Variants in JARID2 observed in about 807,000 individuals in gnomAD.
JARID2 encodes protein Jumonji.
Under a neutral mutation model 125.6 loss-of-function variants are expected in JARID2, and 21 were observed. That is an observed-to-expected ratio of 0.17 (90% CI 0.12 to 0.24). The LOEUF is 0.24. JARID2 is among the 10% of genes least tolerant of loss of function. JARID2 has a pLI of 1.00. For synonymous variants in JARID2, 736 were observed against 661.6 expected (o/e 1.11, Z -1.73); for missense variants, 1,303 against 1,639.6 (o/e 0.79, Z 3.55).
At chr6:15,446,469 A>T (rs951684774) in intron 3 of JARID2, among the ~76,000 whole-genome samples, 2 of 152,228 alleles carry the variant, frequency 1.3e-5, no homozygotes, top group African/African-American at 4.8e-5. Flanking sequence ...TGCTTCTCTT[A>T]TCTGGCCTAG....
chr6:15,518,554 C>T (rs1047191090), intron 17 of JARID2, among the ~76,000 whole-genome samples: 9 of 152,072 alleles, frequency 5.9e-5, no homozygotes, highest in African/African-American at 1.9e-4. Context: ...TGATCTCGGC[C>T]CACTGCAAGC....
rs76367536 is a variant in JARID2, at chr6:15,378,683, A to C, written c.181+4431A>C. 7.5e-3 allele frequency among the ~76,000 whole-genome samples: 1,140 copies of C among 152,268 alleles called. 15 individuals carry two copies. The highest frequency in any genetic ancestry group is 0.026 in the African/African-American group (1,081 of 41,548). On this transcript the variant is annotated intron_variant, in intron 2 of 17. Transcript: ENST00000341776. Reference sequence around the variant, plus strand: ...GCAAGACAGAATGCATGAAAACTACATTGGATCTTTGCAATAGGAATATTG... The same window carrying C: ...GCAAGACAGAATGCATGAAAACTACCTTGGATCTTTGCAATAGGAATATTG...
intron 1 of JARID2, among the ~76,000 whole-genome samples, chr6:15,310,588 C>A (rs1761979386): frequency 6.6e-6 from 1 of 152,184 alleles, no homozygotes. Flanking sequence ...ATGCTCCCCT[C>A]TGGATTTCTT....
chr6:15,474,091 A>C (rs955627739), intron 5 of JARID2, among the ~76,000 whole-genome samples: 2 of 152,236 alleles, frequency 1.3e-5, no homozygotes, highest in Non-Finnish European at 2.9e-5. Flanking sequence ...ATGACAAGGA[A>C]ACAAACTGAC....
At chr6:15,472,281 T>C (rs981198969) in intron 5 of JARID2, among the ~76,000 whole-genome samples, 1 of 152,098 alleles carries the variant, frequency 6.6e-6, no homozygotes, top group Admixed American at 6.5e-5. Flanking sequence ...TCTTCTGTCA[T>C]CCTTTCTTTT....
rs5874508 is a variant in JARID2, at chr6:15,336,085, GTGAATGAATGAA to G, written c.46-38010_46-37999del. Among the ~76,000 whole-genome samples, 77 of 149,512 alleles carry G rather than the reference GTGAATGAATGAA, an allele frequency of 5.2e-4. 3 individuals carry two copies. In the South Asian group the frequency reaches 0.012, roughly 24 times the overall value. Reference sequence around the variant, plus strand: ...GGGTGACAGAGACCCGTCTCCAAGGGTGAATGAATGAATGAATGAATGAATGAATGAATAAAT... The same window carrying G: ...GGGTGACAGAGACCCGTCTCCAAGGGTGAATGAATGAATGAATGAATAAAT... On this transcript the variant is annotated intron_variant, in intron 1 of 17. Coordinates refer to ENST00000341776, the MANE Select transcript of JARID2 (RefSeq NM_004973.4).
intron 1 of JARID2, among the ~76,000 whole-genome samples, chr6:15,320,707 T>C (rs1410011738): frequency 6.6e-6 from 1 of 152,204 alleles, no homozygotes; most frequent in Admixed American, 6.5e-5. Context: ...AAGGATAATA[T>C]AGGAAATAAT....
intron 3 of JARID2, among the ~76,000 whole-genome samples, chr6:15,451,786 T>C (rs1767931840): frequency 6.6e-6 from 1 of 152,222 alleles, no homozygotes; most frequent in Admixed American, 6.5e-5. Context: ...ACACACATTT[T>C]ATATCCATGT....
At chr6:15,328,690 T>G (rs1722819848) in intron 1 of JARID2, among the ~76,000 whole-genome samples, 1 of 152,186 alleles carries the variant, frequency 6.6e-6, no homozygotes, top group Non-Finnish European at 1.5e-5. Context: ...ATCCATACAG[T>G]CAAAATGTGT....
At chr6:15,349,060 A>C (rs1404535028) in intron 1 of JARID2, among the ~76,000 whole-genome samples, 4 of 152,218 alleles carry the variant, frequency 2.6e-5, no homozygotes, top group African/African-American at 9.7e-5. Context: ...GAGATTCCTG[A>C]AACCATATTG....
chr6:15,410,510 A>G (rs1190408581), intron 3 of JARID2, 145 bp downstream of exon 3: 5 of 760,178 alleles, frequency 6.6e-6, no homozygotes, highest in South Asian at 2.0e-5. Context: ...TTTCGTATCA[A>G]ATGCCCTGCT....
intron 1 of JARID2, among the ~76,000 whole-genome samples, chr6:15,301,567 A>AT (rs1296816839): frequency 2.6e-5 from 4 of 152,192 alleles, no homozygotes; most frequent in Non-Finnish European, 5.9e-5. Flanking sequence ...TGAAATGAGT[A>AT]TTGTTGACCA....
At position 15,511,602 on chromosome 6, in the gene JARID2, C is replaced by T. The variant is rs950320565; in HGVS notation, c.2952+201C>T. On this transcript the variant is annotated intron_variant, in intron 13 of 17. Transcript: ENST00000341776. ...CACAGGGCGCTGGGGTTTTGCACGG[C>T]CTTTGCATCTGTTTTGGGGCTTGTT... Among the ~76,000 whole-genome samples, 13 of 152,288 alleles carry T rather than the reference C, an allele frequency of 8.5e-5. No individual in the cohort carries two copies. The East Asian group carries it at 2.5e-3, about 29-fold the overall frequency.
At chr6:15,504,475 T>G (rs777023217) in intron 8 of JARID2, 25 bp from the exon 9 acceptor site, 1 of 1,563,168 alleles carries the variant, frequency 6.4e-7, no homozygotes, top group Admixed American at 1.7e-5. Context: ...CTTCTGAAGC[T>G]TTACTGTTTT....
intron 1 of JARID2, among the ~76,000 whole-genome samples, chr6:15,319,471 C>T (rs563906686): frequency 3.7e-4 from 57 of 152,142 alleles, no homozygotes; most frequent in Non-Finnish European, 6.6e-4. Context: ...GATCTCAGCT[C>T]ATTGCAACCT....
At chr6:15,500,656 T>G (rs577939497) in intron 7 of JARID2, among the ~76,000 whole-genome samples, 4 of 152,250 alleles carry the variant, frequency 2.6e-5, no homozygotes, top group Non-Finnish European at 4.4e-5. Flanking sequence ...AAATGCTGCC[T>G]CCTCAGACGC....
intron 1 of JARID2, among the ~76,000 whole-genome samples, chr6:15,298,941 C>A (rs1161666435): frequency 7.1e-6 from 1 of 140,982 alleles, no homozygotes; most frequent in Non-Finnish European, 1.5e-5. Context: ...CAAACTAGAA[C>A]AAGAGAAGTT....
At chr6:15,327,851 T>C (rs891219274) in intron 1 of JARID2, among the ~76,000 whole-genome samples, 1 of 152,190 alleles carries the variant, frequency 6.6e-6, no homozygotes, top group South Asian at 2.1e-4. Context: ...GGCTCAATGT[T>C]ATGTCTTTTG....
chr6:15,354,563 T>C (rs1763534506), intron 1 of JARID2, among the ~76,000 whole-genome samples: 1 of 152,192 alleles, frequency 6.6e-6, no homozygotes, highest in Non-Finnish European at 1.5e-5. Flanking sequence ...TTCTAAAAAC[T>C]TTCAGTGTAT....
Sources: allele counts gnomAD v4.1 joint callset (sites outside exome capture counted in the v4.1 genomes callset), GRCh38; gene constraint gnomAD v4.1.1; transcripts MANE v1.5; gene names NCBI Gene and HGNC (gene_info 2026-07-23, HGNC 2026-07-21).